The following FAM13B variants were observed in gnomAD, a reference collection of about 807,000 sequenced individuals.
The protein encoded by FAM13B is family with sequence similarity 13 member B.
Under a neutral mutation model 117.3 loss-of-function variants are expected in FAM13B, and 60 were observed. That is an observed-to-expected ratio of 0.51 (90% CI 0.42 to 0.63). FAM13B has a LOEUF of 0.63. Among genes scored for constraint, FAM13B ranks in the 30% least tolerant of loss-of-function variants. The probability of loss-of-function intolerance (pLI) is 0.00; values close to 1 mark genes in which losing one functional copy is unlikely to be tolerated. For missense variants in FAM13B, 972 were observed against 1,091.9 expected, an observed-to-expected ratio of 0.89 and a Z score of 1.55; for synonymous variants, 332 against 356.1, an observed-to-expected ratio of 0.93 and a Z score of 0.76.
At chr5:137,987,231 AAAAC>A (rs778642114) in intron 9 of FAM13B, among the ~76,000 whole-genome samples, 2 of 152,088 alleles carry the variant, frequency 1.3e-5, no homozygotes, top group African/African-American at 2.4e-5. Flanking sequence ...AAAACAACAA[AAAAC>A]AAACAAACCT....
chr5:138,049,195 G>A (rs914168056), intron 1 of FAM13B, among the ~76,000 whole-genome samples: 1 of 152,166 alleles, frequency 6.6e-6, no homozygotes, highest in Non-Finnish European at 1.5e-5. Flanking sequence ...GCCTGCCTGG[G>A]CCTCCCAAAG....
chr5:138,046,715 A>G (rs1791649597), intron 1 of FAM13B, among the ~76,000 whole-genome samples: 1 of 152,118 alleles, frequency 6.6e-6, no homozygotes, highest in South Asian at 2.1e-4. Context: ...CATTATTACT[A>G]TATCAGAATA....
chr5:137,966,686 T>A lies in FAM13B; in HGVS notation c.1180-4217A>T, dbSNP rs1770075403. Among the ~76,000 whole-genome samples the A allele has an allele frequency of 2.6e-5, 4 of 152,080 alleles. No individual in the cohort carries two copies. In the South Asian group the frequency reaches 8.3e-4, roughly 32 times the overall value. On this transcript the variant is annotated intron_variant, in intron 10 of 23. Transcript: ENST00000689681. ...TAGGAAACTCAAAATTTAAACAAGA[T>A]ACCATTACACATCTATCAGAATGGC...
chr5:138,049,530 C>T (rs1327153289), intron 1 of FAM13B, among the ~76,000 whole-genome samples: 1 of 152,076 alleles, frequency 6.6e-6, no homozygotes, highest in Non-Finnish European at 1.5e-5. Context: ...ACCTCTTCCT[C>T]CCAAAGTGCT....
At chr5:138,031,540 T>C (rs1219967159) in intron 1 of FAM13B, among the ~76,000 whole-genome samples, 1 of 151,840 alleles carries the variant, frequency 6.6e-6, no homozygotes, top group African/African-American at 2.4e-5. Context: ...CAAAAATTAG[T>C]CAGGCGTGGT....
At chr5:138,009,005 T>A (rs1783259258) in intron 6 of FAM13B, among the ~76,000 whole-genome samples, 1 of 152,178 alleles carries the variant, frequency 6.6e-6, no homozygotes, top group Non-Finnish European at 1.5e-5. Context: ...TAGCCGGATG[T>A]GGTGGCATGT....
At position 137,953,445 on chromosome 5, in the gene FAM13B, C is replaced by A. The variant is rs1445022923; in HGVS notation, c.1739G>T (p.Ser580Ile). The change falls in exon 16 of 24, where the codon AGT becomes ATT. Residue 580 changes from serine (S) to isoleucine (I), a missense_variant. Ser to Ile is a moderately radical substitution (Grantham distance 142). Coordinates refer to ENST00000689681, the MANE Select transcript of FAM13B (RefSeq NM_001385994.1). ...SFTRIRRSSF[S>I]SKDEKREDRT... Reference sequence around the variant, plus strand: ...GTCCTCTCTCTTTTCATCTTTTGAACTAAAGGATGATCTTCGAATTCTGAA... The same window carrying A: ...GTCCTCTCTCTTTTCATCTTTTGAAATAAAGGATGATCTTCGAATTCTGAA... 1 of 1,613,536 alleles carries A rather than the reference C, an allele frequency of 6.2e-7. No individual in the cohort carries two copies. The highest frequency in any genetic ancestry group is 8.5e-7 in the Non-Finnish European group (1 of 1,179,846).
chr5:137,993,583 G>A (rs537762189), intron 7 of FAM13B, among the ~76,000 whole-genome samples: 36 of 151,744 alleles, frequency 2.4e-4, no homozygotes, highest in African/African-American at 8.7e-4. Context: ...GAGTTCGAGA[G>A]CAGCCGGGCC....
Position 138,032,819 on chromosome 5 carries a change from G to A in FAM13B, c.-240C>T, listed in dbSNP as rs1356441878. 3 of 985,666 alleles carry A rather than the reference G, an allele frequency of 3.0e-6. No individual in the cohort carries two copies. The highest frequency in any genetic ancestry group is 9.4e-5 in the South Asian group (2 of 21,298). The allele number at this position is 985,666 out of a possible 1,614,324, so 61.1% of individuals were successfully genotyped here. A position where few individuals can be genotyped will look rare whatever the true frequency, so the allele number is the denominator to read the frequency against. On this transcript the variant is annotated 5_prime_UTR_variant, in exon 1 of 24. Coordinates refer to ENST00000689681, the MANE Select transcript of FAM13B (RefSeq NM_001385994.1). ...GATGCCCCGTTCCCTGGCCGCGGCC[G>A]CTTCTCCAGGACCCGCGGCGACGGC...
chr5:137,939,026 C>T lies in FAM13B; in HGVS notation c.*1199G>A, dbSNP rs896664449. The stretch of plus-strand genomic sequence containing the variant: ...TGTAACAATGATTAGCAGAATGATA[C>T]CGAGACAGTACCTGAAGAAAAGCCA... On this transcript the variant is annotated 3_prime_UTR_variant, in exon 24 of 24. Coordinates refer to ENST00000689681, the MANE Select transcript of FAM13B (RefSeq NM_001385994.1). 1 of 151,986 alleles carries T rather than the reference C, an allele frequency of 6.6e-6. No homozygotes were observed. Among genetic ancestry groups the T allele is most frequent in the Admixed American group, 6.6e-5 (1 of 15,262 alleles). The allele number at this position is 151,986 out of a possible 1,614,324, so 9.4% of individuals were successfully genotyped here.
At chr5:137,993,782 G>A (rs901985959) in intron 7 of FAM13B, among the ~76,000 whole-genome samples, 3 of 151,858 alleles carry the variant, frequency 2.0e-5, no homozygotes, top group Admixed American at 6.6e-5. Context: ...GCAAGACTCC[G>A]CCTCAAAATA....
chr5:138,031,047 CAG>C (rs1789848251), intron 1 of FAM13B, among the ~76,000 whole-genome samples: 1 of 151,258 alleles, frequency 6.6e-6, no homozygotes, highest in Non-Finnish European at 1.5e-5. Flanking sequence ...AAAAACAAAA[CAG>C]TAATTTACAC....
At chr5:137,981,219 T>A (rs1455819592) in intron 10 of FAM13B, among the ~76,000 whole-genome samples, 1 of 151,356 alleles carries the variant, frequency 6.6e-6, no homozygotes, top group East Asian at 1.9e-4. Context: ...ATTACAGGCA[T>A]GAGCCACTGT....
intron 20 of FAM13B, 22 bp downstream of exon 20, chr5:137,945,880 A>T: frequency 6.4e-7 from 1 of 1,556,864 alleles, no homozygotes; most frequent in African/African-American, 1.4e-5. Context: ...TGAACCAGAG[A>T]ATTATTGCTT....
At chr5:138,027,841 G>A (rs1056429198) in intron 1 of FAM13B, among the ~76,000 whole-genome samples, 11 of 152,176 alleles carry the variant, frequency 7.2e-5, no homozygotes, top group Non-Finnish European at 1.6e-4. Context: ...GTTCTCATGA[G>A]AGCTGATGGT....
intron 13 of FAM13B, 71 bp from the exon 14 acceptor site, chr5:137,956,613 A>G: frequency 9.0e-7 from 1 of 1,108,164 alleles, no homozygotes; most frequent in Non-Finnish European, 1.3e-6. Flanking sequence ...AACCATACAC[A>G]TAACACAAAG....
At chr5:138,002,350 G>A (rs1242222942) in intron 7 of FAM13B, among the ~76,000 whole-genome samples, 1 of 152,080 alleles carries the variant, frequency 6.6e-6, no homozygotes, top group East Asian at 1.9e-4. Context: ...GGCCAATGTG[G>A]TGAAACCTTG....
chr5:138,017,634 C>G (rs1420748913), intron 4 of FAM13B, among the ~76,000 whole-genome samples: 5 of 152,154 alleles, frequency 3.3e-5, no homozygotes, highest in Non-Finnish European at 1.5e-5. Flanking sequence ...GCTCTAGGAA[C>G]AGAAGCATTT....
chr5:138,025,870 T>TA (rs1317040884), intron 1 of FAM13B, among the ~76,000 whole-genome samples: 1 of 152,170 alleles, frequency 6.6e-6, no homozygotes, highest in African/African-American at 2.4e-5. Flanking sequence ...CTAGCCAACT[T>TA]ACAAATATAC....
Sources: allele counts gnomAD v4.1 joint callset (sites outside exome capture counted in the v4.1 genomes callset), GRCh38; gene constraint gnomAD v4.1.1; transcripts MANE v1.5; gene names NCBI Gene and HGNC (gene_info 2026-07-23, HGNC 2026-07-21).